Variants in BBOX1 observed in about 807,000 individuals in gnomAD.
BBOX1 encodes the protein gamma-butyrobetaine dioxygenase.
BBOX1 carries 35 observed loss-of-function variants against 41.6 expected under a neutral mutation model. That is an observed-to-expected ratio of 0.84 (90% CI 0.64 to 1.11). BBOX1 has a LOEUF of 1.11. Among genes scored for constraint, BBOX1 ranks in the 50% most tolerant of loss-of-function variants. The pLI, the probability that BBOX1 is intolerant of heterozygous loss-of-function variation, is 0.00. For missense variants in BBOX1, 458 were observed against 460.6 expected, an observed-to-expected ratio of 0.99 and a Z score of 0.05; for synonymous variants, 163 against 154.7, an observed-to-expected ratio of 1.05 and a Z score of -0.40.
intron 6 of BBOX1, among the ~76,000 whole-genome samples, chr11:27,115,857 G>A (rs1859241018): frequency 6.6e-6 from 1 of 151,874 alleles, no homozygotes; most frequent in South Asian, 2.1e-4. Context: ...TAAGGTAGGA[G>A]TAAATCTTAA....
At chr11:27,112,948 A>G (rs1346756353) in intron 5 of BBOX1, among the ~76,000 whole-genome samples, 2 of 152,064 alleles carry the variant, frequency 1.3e-5, no homozygotes, top group Non-Finnish European at 2.9e-5. Flanking sequence ...AGGAACATAA[A>G]TTTACAAGCA....
intron 4 of BBOX1, among the ~76,000 whole-genome samples, chr11:27,073,759 T>G (rs11029821): frequency 0.99 from 150,808 of 152,246 alleles, 74,715 homozygotes; most frequent in East Asian, 1. Context: ...CATGTCATTT[T>G]TAGGAACATG....
chr11:27,063,696 G>T (rs1217506166), intron 4 of BBOX1, among the ~76,000 whole-genome samples: 1 of 150,570 alleles, frequency 6.6e-6, no homozygotes, highest in Non-Finnish European at 1.5e-5. Context: ...AATTCTTTAT[G>T]CCTCTCTCAT....
intron 4 of BBOX1, among the ~76,000 whole-genome samples, chr11:27,071,566 T>C (rs1048431872): frequency 2.0e-5 from 3 of 152,178 alleles, no homozygotes; most frequent in African/African-American, 7.2e-5. Context: ...CCCATGATAG[T>C]GAATGAGTTC....
intron 4 of BBOX1, among the ~76,000 whole-genome samples, chr11:27,080,059 C>T (rs1808055943): frequency 6.6e-6 from 1 of 152,084 alleles, no homozygotes. Context: ...GCTTTAAAAT[C>T]ATTTTCCATA....
At chr11:27,113,928 TA>T (rs953560114) in intron 5 of BBOX1, among the ~76,000 whole-genome samples, 19 of 151,388 alleles carry the variant, frequency 1.3e-4, no homozygotes, top group Middle Eastern at 3.4e-3. Flanking sequence ...ACAATAGAAA[TA>T]AAGGCATCCA....
intron 4 of BBOX1, among the ~76,000 whole-genome samples, chr11:27,085,410 A>G (rs1015199173): frequency 3.9e-5 from 6 of 152,110 alleles, no homozygotes; most frequent in Non-Finnish European, 8.8e-5. Context: ...AATTATTTTC[A>G]TATCTGTTAT....
intron 4 of BBOX1, among the ~76,000 whole-genome samples, chr11:27,086,005 C>G (rs4923422): frequency 7.8e-4 from 118 of 151,976 alleles, no homozygotes; most frequent in Admixed American, 1.5e-3. Flanking sequence ...TTCTGTGAAG[C>G]CTGAGAGAGG....
chr11:27,063,706 T>C (rs556004788), intron 4 of BBOX1, among the ~76,000 whole-genome samples: 4 of 152,006 alleles, frequency 2.6e-5, no homozygotes, highest in South Asian at 2.1e-4. Flanking sequence ...GCCTCTCTCA[T>C]GGCAGTCTTT....
rs772358673 is a variant in BBOX1, at chr11:27,127,315, C to A, written c.1026C>A (p.Asn342Lys). Reference protein sequence around the residue: ...MNPGDVITFDNWRLLHGRRSY... With the variant: ...MNPGDVITFDKWRLLHGRRSY... ...TAGGTGATGTGATTACTTTTGATAA[C>A]TGGCGCTTACTTCATGGCCGACGTA... Residue 342 changes from asparagine (N) to lysine (K), a missense_variant, in exon 9 of 9, where the codon AAC (asparagine) becomes AAA (lysine). Coordinates refer to ENST00000263182, the MANE Select transcript of BBOX1 (RefSeq NM_003986.3). The A allele has an allele frequency of 1.2e-6, 2 of 1,613,996 alleles. No homozygotes were observed. The highest frequency in any genetic ancestry group is 1.7e-6 in the Non-Finnish European group (2 of 1,179,982).
At chr11:27,057,939 T>C (rs915208330) in intron 4 of BBOX1, among the ~76,000 whole-genome samples, 85 of 152,140 alleles carry the variant, frequency 5.6e-4, no homozygotes, top group Non-Finnish European at 1.6e-4. Context: ...GAGGACTTTA[T>C]TGCTGAGCAA....
At chr11:27,125,940 T>A (rs1433846721) in intron 8 of BBOX1, 120 bp downstream of exon 8, 2 of 1,066,780 alleles carry the variant, frequency 1.9e-6, no homozygotes, top group Non-Finnish European at 2.7e-6. Flanking sequence ...AACAACAGAA[T>A]CTTGGTGAGC....
intron 4 of BBOX1, among the ~76,000 whole-genome samples, chr11:27,076,262 T>A (rs951815072): frequency 1.1e-4 from 17 of 152,074 alleles, no homozygotes; most frequent in Admixed American, 9.2e-4. Flanking sequence ...CTAGCTCTGG[T>A]GGAGATGTCA....
chr11:27,080,575 G>A (rs574025933), intron 4 of BBOX1, among the ~76,000 whole-genome samples: 1 of 151,982 alleles, frequency 6.6e-6, no homozygotes, highest in African/African-American at 2.4e-5. Context: ...TTTACATTTT[G>A]GTAGAGAAAG....
intron 8 of BBOX1, 80 bp downstream of exon 8, chr11:27,125,900 G>A (rs1329763509): frequency 1.4e-6 from 2 of 1,444,128 alleles, no homozygotes; most frequent in Non-Finnish European, 1.9e-6. Context: ...ATCCAGAGCA[G>A]TTTTTCTCAG....
chr11:27,115,755 T>A (rs1859237532), intron 6 of BBOX1, among the ~76,000 whole-genome samples, 198 bp downstream of exon 6: 1 of 151,914 alleles, frequency 6.6e-6, no homozygotes, highest in Admixed American at 6.6e-5. Context: ...GATAATTTCA[T>A]TCATTTAAAA....
chr11:27,075,039 C>A (rs1857588557), intron 4 of BBOX1, among the ~76,000 whole-genome samples: 1 of 152,124 alleles, frequency 6.6e-6, no homozygotes, highest in South Asian at 2.1e-4. Context: ...GTTATAGAAC[C>A]CTGTTTTTTT....
At chr11:27,071,635 C>A (rs1857454599) in intron 4 of BBOX1, among the ~76,000 whole-genome samples, 1 of 152,016 alleles carries the variant, frequency 6.6e-6, no homozygotes, top group African/African-American at 2.4e-5. Context: ...AATTTTAGAC[C>A]AATATCCCTG....
intron 2 of BBOX1, among the ~76,000 whole-genome samples, chr11:27,044,590 C>T (rs1008000353): frequency 2.0e-5 from 3 of 151,976 alleles, no homozygotes; most frequent in Non-Finnish European, 2.9e-5. Context: ...GTCTTTAATC[C>T]ATCTTTAGTT....
Sources: gnomAD v4.1 joint callset for allele counts (sites outside exome capture counted in the v4.1 genomes callset) on GRCh38, gnomAD v4.1.1 for gene constraint, MANE v1.5 for transcripts, NCBI Gene and HGNC (gene_info 2026-07-23, HGNC 2026-07-21) for gene names.